Variants in DPP10 observed in about 807,000 individuals in gnomAD.
The protein encoded by DPP10 is inactive dipeptidyl peptidase 10.
Under a neutral mutation model 120.9 loss-of-function variants are expected in DPP10, and 33 were observed. The observed-to-expected ratio is 0.27, with a 90% CI of 0.21 to 0.37. The LOEUF (loss-of-function observed/expected upper bound fraction) is 0.37. Among genes scored for constraint, DPP10 ranks in the 10% least tolerant of loss-of-function variants. The probability of loss-of-function intolerance (pLI) is 1.00; values close to 1 mark genes in which losing one functional copy is unlikely to be tolerated. For missense variants in DPP10, 816 were observed against 942.8 expected (o/e 0.87, Z 1.76); for synonymous variants, 337 against 326.1 (o/e 1.03, Z -0.36).
At chr2:114,584,113 C>G (rs979618899) in intron 1 of DPP10, among the ~76,000 whole-genome samples, 1 of 152,152 alleles carries the variant, frequency 6.6e-6, no homozygotes, top group African/African-American at 2.4e-5. Flanking sequence ...CATGAAATTT[C>G]TATCTTAGCA....
At chr2:114,602,268 T>C (rs964381056) in intron 1 of DPP10, among the ~76,000 whole-genome samples, 2 of 151,846 alleles carry the variant, frequency 1.3e-5, no homozygotes, top group Non-Finnish European at 2.9e-5. Flanking sequence ...TCTAGGAAGT[T>C]AGAGGTAGAG....
At chr2:115,416,831 C>T (rs2069480382) in intron 3 of DPP10, among the ~76,000 whole-genome samples, 2 of 152,042 alleles carry the variant, frequency 1.3e-5, no homozygotes, top group Admixed American at 1.3e-4. Flanking sequence ...GGCTGCGTTC[C>T]AGTTTCAAAA....
chr2:114,568,641 A>C (rs912693945), intron 1 of DPP10, among the ~76,000 whole-genome samples: 3 of 152,224 alleles, frequency 2.0e-5, no homozygotes, highest in Admixed American at 6.5e-5. Flanking sequence ...TACAGTGTCA[A>C]AAATGACCTC....
Position 114,780,908 on chromosome 2 carries a change from T to G in DPP10, c.60+338070T>G, listed in dbSNP as rs541116607. Among the ~76,000 whole-genome samples the G allele has an allele frequency of 3.9e-5, 6 of 152,232 alleles. 1 individual carries two copies. The East Asian group carries it at 1.2e-3, about 29-fold the overall frequency. On this transcript the variant is annotated intron_variant, in intron 1 of 25. Coordinates refer to ENST00000410059, the MANE Select transcript of DPP10 (RefSeq NM_020868.6). Reference sequence around the variant, plus strand: ...AATCTGATTGGGAAGATTATTCTATTGAATATCATTTGTCAGTTACTGTGA... The same window carrying G: ...AATCTGATTGGGAAGATTATTCTATGGAATATCATTTGTCAGTTACTGTGA...
At chr2:115,222,313 G>A (rs925223966) in intron 1 of DPP10, among the ~76,000 whole-genome samples, 1 of 152,118 alleles carries the variant, frequency 6.6e-6, no homozygotes, top group Non-Finnish European at 1.5e-5. Context: ...CTTCTCATTG[G>A]TAATTTGATT....
At chr2:115,198,643 ATTGCATCAC>A (rs1238817417) in intron 1 of DPP10, among the ~76,000 whole-genome samples, 4 of 152,110 alleles carry the variant, frequency 2.6e-5, no homozygotes, top group African/African-American at 9.7e-5. Flanking sequence ...TTTACTTAAA[ATTGCATCAC>A]TTTTTACTTA....
In DPP10 at chr2:114,919,309, C is replaced by T. The variant is rs138516301; in HGVS notation, c.61-389930C>T. On this transcript the variant is annotated intron_variant, in intron 1 of 25. Coordinates refer to ENST00000410059, the MANE Select transcript of DPP10 (RefSeq NM_020868.6). ...GTCACACTTTCACTCTTTTGTCTCA[C>T]TGAAGGCTATAATTCACAAGCATGT... 7.2e-5 allele frequency among the ~76,000 whole-genome samples: 11 copies of T among 152,304 alleles called. 1 individual carries two copies. The South Asian group carries it at 2.1e-3, about 29-fold the overall frequency.
intron 5 of DPP10, among the ~76,000 whole-genome samples, chr2:115,572,336 C>T (rs2081384800): frequency 6.6e-6 from 1 of 151,962 alleles, no homozygotes; most frequent in African/African-American, 2.4e-5. Context: ...TTTCCACTCA[C>T]CTATTTTTTA....
chr2:115,638,495 C>T (rs1443384864), intron 5 of DPP10, among the ~76,000 whole-genome samples: 4 of 152,168 alleles, frequency 2.6e-5, no homozygotes, highest in Non-Finnish European at 5.9e-5. Flanking sequence ...TTTTTGTGCT[C>T]TCTCACATCT....
chr2:115,330,326 G>C (rs1438240742), intron 2 of DPP10, among the ~76,000 whole-genome samples: 3 of 151,904 alleles, frequency 2.0e-5, no homozygotes, highest in East Asian at 1.9e-4. Flanking sequence ...TGTAGATTCT[G>C]GATATTAGCC....
At position 115,234,903 on chromosome 2, in the gene DPP10, A is replaced by G. The variant is rs182019005; in HGVS notation, c.61-74336A>G. Among the ~76,000 whole-genome samples, 14 of 152,292 alleles carry G rather than the reference A, an allele frequency of 9.2e-5. 1 individual carries two copies. The highest frequency in any genetic ancestry group is 3.4e-4 in the African/African-American group (14 of 41,568). On this transcript the variant is annotated intron_variant, in intron 1 of 25. Coordinates refer to ENST00000410059, the MANE Select transcript of DPP10 (RefSeq NM_020868.6). The stretch of plus-strand genomic sequence containing the variant: ...TCATTGGAGAGAAGGTGACCTTGAC[A>G]TGAAAGTCGGCTCTTGCTTCAAAGT...
At chr2:115,382,647 A>T (rs898522929) in intron 3 of DPP10, among the ~76,000 whole-genome samples, 2 of 152,086 alleles carry the variant, frequency 1.3e-5, no homozygotes, top group African/African-American at 4.8e-5. Context: ...ATTGCTTTTA[A>T]TGAAGGAGAG....
At chr2:114,906,292 G>A (rs1693954226) in intron 1 of DPP10, among the ~76,000 whole-genome samples, 2 of 151,858 alleles carry the variant, frequency 1.3e-5, no homozygotes, top group Admixed American at 6.6e-5. Context: ...GCTGAGGCAT[G>A]AGAATCGCTC....
intron 3 of DPP10, among the ~76,000 whole-genome samples, chr2:115,398,615 G>T (rs1356373966): frequency 2.0e-5 from 3 of 151,824 alleles, no homozygotes; most frequent in Non-Finnish European, 4.4e-5. Flanking sequence ...ATCATTAAAA[G>T]TTCTCAATAG....
chr2:114,781,038 CCT>C (rs1451094369), intron 1 of DPP10, among the ~76,000 whole-genome samples: 4 of 152,040 alleles, frequency 2.6e-5, no homozygotes, highest in African/African-American at 7.2e-5. Context: ...TTAACATCTC[CCT>C]CTCTCTCTTT....
intron 4 of DPP10, among the ~76,000 whole-genome samples, chr2:115,511,758 C>A (rs2077243681): frequency 7.6e-6 from 1 of 131,896 alleles, no homozygotes; most frequent in African/African-American, 2.9e-5. Flanking sequence ...CACAGGGTCT[C>A]ACTCTGTTAC....
At chr2:115,278,130 G>C (rs1019638237) in intron 1 of DPP10, among the ~76,000 whole-genome samples, 6 of 152,132 alleles carry the variant, frequency 3.9e-5, no homozygotes, top group African/African-American at 1.4e-4. Context: ...TCTTTCTAAG[G>C]CTCATTTCCC....
intron 1 of DPP10, among the ~76,000 whole-genome samples, chr2:114,484,987 C>A (rs1573462841): frequency 6.7e-6 from 1 of 148,908 alleles, no homozygotes; most frequent in African/African-American, 2.5e-5. Context: ...AAATACAAAA[C>A]AAGTTAAAAA....
At chr2:115,213,346 A>G (rs1197818314) in intron 1 of DPP10, among the ~76,000 whole-genome samples, 1 of 152,288 alleles carries the variant, frequency 6.6e-6, no homozygotes, top group East Asian at 1.9e-4. Flanking sequence ...ACCATTTTGC[A>G]AATCTCTTGC....
Sources: gnomAD v4.1 joint callset for allele counts (sites outside exome capture counted in the v4.1 genomes callset) on GRCh38, gnomAD v4.1.1 for gene constraint, MANE v1.5 for transcripts, NCBI Gene and HGNC (gene_info 2026-07-23, HGNC 2026-07-21) for gene names.